Variants in WFS1 observed in about 807,000 individuals in gnomAD.
The protein encoded by WFS1 is wolframin.
A neutral mutation model predicts 68.5 loss-of-function variants in WFS1; 90 were observed. The observed-to-expected ratio is 1.31, with a 90% CI of 1.11 to 1.56. The LOEUF (loss-of-function observed/expected upper bound fraction) is 1.56. Among genes scored for constraint, WFS1 ranks in the 40% most tolerant of loss-of-function variants. WFS1 has a pLI of 0.00. For synonymous variants in WFS1, 860 were observed against 540.7 expected (o/e 1.59, Z -8.19); for missense variants, 1,767 against 1,232.6 (o/e 1.43, Z -6.49).
chr4:6,280,316 G>A (rs1249268731), intron 2 of WFS1, among the ~76,000 whole-genome samples: 1 of 152,242 alleles, frequency 6.6e-6, no homozygotes, highest in African/African-American at 2.4e-5. Flanking sequence ...CAGGGCTGAT[G>A]GGCAGGGGCC....
At position 6,291,295 on chromosome 4, in the gene WFS1, C is replaced by G. The variant is rs1730456165; in HGVS notation, c.559C>G (p.Leu187Val). 6.2e-7 allele frequency: 1 copy of G among 1,613,472 alleles called. No homozygotes were observed. The highest frequency in any genetic ancestry group is 8.5e-7 in the Non-Finnish European group (1 of 1,180,018). Residue 187 changes from leucine (L) to valine (V), a missense_variant, in exon 5 of 8, where the codon CTC (leucine) becomes GTC (valine). By Grantham distance (32) the Leu-to-Val change is conservative. Coordinates refer to ENST00000226760, the MANE Select transcript of WFS1 (RefSeq NM_006005.3). The stretch of plus-strand genomic sequence containing the variant: ...GGCAGCCCTGGTCATGTACTGGAAG[C>G]TCAACCCCAAGAAGAAGAAGCAGGT... ...RKAALVMYWK[L>V]NPKKKKQVAV...
At position 6,287,484 on chromosome 4, in the gene WFS1, C is replaced by T. The variant is rs1730347745; in HGVS notation, c.315+309C>T. On this transcript the variant is annotated intron_variant, in intron 3 of 7. Coordinates refer to ENST00000226760, the MANE Select transcript of WFS1 (RefSeq NM_006005.3). This position sits in a 1 kb window ranked among gnomAD's most constrained non-coding sequence, Gnocchi z 6.4. ...TGCAGCTGCCTGCTCAGTGCCACCC[C>T]TCAACATACACTGTGTATGCTGCCC... is the stretch of plus-strand genomic sequence containing the variant. 6.6e-6 allele frequency among the ~76,000 whole-genome samples: 1 copy of T among 152,222 alleles called. No individual in the cohort carries two copies. The highest frequency in any genetic ancestry group is 2.4e-5 in the African/African-American group (1 of 41,462).
chr4:6,276,545 G>A (rs1729999718), intron 1 of WFS1, among the ~76,000 whole-genome samples: 1 of 152,124 alleles, frequency 6.6e-6, no homozygotes, highest in Non-Finnish European at 1.5e-5. Context: ...GCCTGGGGTG[G>A]GGGCTGTGGA....
chr4:6,291,262 G>T lies in WFS1; in HGVS notation c.526G>T (p.Val176Leu). The change falls in exon 5 of 8, where the codon GTG (valine) becomes TTG (leucine). Residue 176 changes from valine to leucine, a missense_variant. Coordinates refer to ENST00000226760, the MANE Select transcript of WFS1 (RefSeq NM_006005.3). ...LSSETDLERA[V>L]RKAALVMYWK... ...CTCCGAGACCGACCTGGAGAGGGCCGTGCGCAAGGCAGCCCTGGTCATGTA... is the reference window on the plus strand; with the variant it reads ...CTCCGAGACCGACCTGGAGAGGGCCTTGCGCAAGGCAGCCCTGGTCATGTA... 1 of 1,613,312 alleles carries T rather than the reference G, an allele frequency of 6.2e-7. No individual in the cohort carries two copies. The highest frequency in any genetic ancestry group is 8.5e-7 in the Non-Finnish European group (1 of 1,180,004).
Position 6,302,843 on chromosome 4 carries a change from G to C in WFS1, c.*375G>C, listed in dbSNP as rs1026905279. The C allele has an allele frequency of 1.2e-5, 4 of 329,414 alleles. No individual in the cohort carries two copies. The Admixed American group carries it at 1.4e-4, about 11-fold the overall frequency. The allele number at this position is 329,414 out of a possible 1,614,324, so 20.4% of individuals were successfully genotyped here. A position where few individuals can be genotyped will look rare whatever the true frequency, so the allele number is the denominator to read the frequency against. On this transcript the variant is annotated 3_prime_UTR_variant, in exon 8 of 8. Transcript: ENST00000226760. The stretch of plus-strand genomic sequence containing the variant: ...GTTCCCTCTTTCTTTCTTTTGTGTT[G>C]GATTTGTTTAAAAACCAAATAAGCA...
Position 6,301,148 on chromosome 4 carries a change from A to G in WFS1, c.1353A>G (p.Ala451=), listed in dbSNP as rs563453302. Residue 451 remains alanine, a synonymous_variant, in exon 8 of 8, where the codon GCA becomes GCG. Coordinates refer to ENST00000226760, the MANE Select transcript of WFS1 (RefSeq NM_006005.3). ...GCTACCTGAGCCTGAGCACCCATGC[A>G]GAGCCCTACACGCGCAGGGCCCTGG... ...VTSYLSLSTH[A]EPYTRRALAT... The G allele has an allele frequency of 2.0e-5, 33 of 1,613,102 alleles. No homozygotes were observed. The East Asian group carries it at 7.1e-4, about 35-fold the overall frequency.
At chr4:6,279,283 G>T (rs542293971) in intron 2 of WFS1, among the ~76,000 whole-genome samples, 1 of 152,332 alleles carries the variant, frequency 6.6e-6, no homozygotes, top group South Asian at 2.1e-4. Context: ...AACAACAAGG[G>T]TAGCTATTTA....
intron 1 of WFS1, among the ~76,000 whole-genome samples, chr4:6,273,674 T>G (rs1295719727): frequency 6.6e-6 from 1 of 152,244 alleles, no homozygotes; most frequent in East Asian, 1.9e-4. Flanking sequence ...GGCTGTAACA[T>G]GCAGGAAGAC....
At chr4:6,280,084 C>G (rs1043073115) in intron 2 of WFS1, among the ~76,000 whole-genome samples, 1 of 152,238 alleles carries the variant, frequency 6.6e-6, no homozygotes, top group African/African-American at 2.4e-5. Flanking sequence ...GTAAAGGAAA[C>G]AGTGACTCCG....
In WFS1 at chr4:6,303,222, A is replaced by C. The variant is rs1292728146; in HGVS notation, c.*754A>C. 6.6e-6 allele frequency: 1 copy of C among 152,356 alleles called. No individual in the cohort carries two copies. The highest frequency in any genetic ancestry group is 2.4e-5 in the African/African-American group (1 of 41,472). 9.4% of individuals were successfully genotyped at this position (152,356 alleles called of 1,614,324 possible). Reference sequence around the variant, plus strand: ...GTTCAGTGCCTTGGAGCAGAAAGCCAGGGTCCTGAGTGGCTGAAATAAAAG... The same window carrying C: ...GTTCAGTGCCTTGGAGCAGAAAGCCCGGGTCCTGAGTGGCTGAAATAAAAG... On this transcript the variant is annotated 3_prime_UTR_variant, in exon 8 of 8. Transcript: ENST00000226760.
Position 6,300,501 on chromosome 4 carries a change from G to A in WFS1, c.862-156G>A, listed in dbSNP as rs184496110. ...AGCATGGGGAGGGCCACCTGGAGAA[G>A]GGGGGAGGGAGGACCACTAGGATGG... On this transcript the variant is annotated intron_variant, in intron 7 of 7. Transcript: ENST00000226760. 3.8e-3 allele frequency among the ~76,000 whole-genome samples: 579 copies of A among 152,188 alleles called. 6 individuals carry two copies. Among genetic ancestry groups the A allele is most frequent in the African/African-American group, 0.013 (557 of 41,504 alleles).
intron 1 of WFS1, among the ~76,000 whole-genome samples, chr4:6,270,262 C>T (rs938526582): frequency 6.6e-6 from 1 of 151,474 alleles, no homozygotes; most frequent in African/African-American, 2.4e-5. Flanking sequence ...CCCGGTCCCC[C>T]GCGCGCTGTC....
At chr4:6,276,878 G>T (rs1044590515) in intron 1 of WFS1, among the ~76,000 whole-genome samples, 22 of 152,176 alleles carry the variant, frequency 1.4e-4, no homozygotes, top group Non-Finnish European at 2.9e-4. Flanking sequence ...TGGTCCTCCT[G>T]CTCCTTGGCC....
Position 6,302,106 on chromosome 4 carries a change from G to T in WFS1, c.2311G>T (p.Asp771Tyr), listed in dbSNP as rs534067035. Residue 771 changes from aspartate to tyrosine, a missense_variant, in exon 8 of 8, where the codon GAC (aspartate) becomes TAC (tyrosine). Transcript: ENST00000226760. ...GCACCCCTGCCACATCAAGAAGTTC[G>T]ACCGCTACAAGTTTGAGATTACCGT... The part of the protein sequence containing the change: ...AKHPCHIKKF[D>Y]RYKFEITVGM... 1 of 1,612,784 alleles carries T rather than the reference G, an allele frequency of 6.2e-7. No individual in the cohort carries two copies. Among genetic ancestry groups the T allele is most frequent in the Non-Finnish European group, 8.5e-7 (1 of 1,180,030 alleles).
At chr4:6,298,698 C>T (rs936247048) in intron 7 of WFS1, among the ~76,000 whole-genome samples, 1 of 147,730 alleles carries the variant, frequency 6.8e-6, no homozygotes, top group Non-Finnish European at 1.5e-5. Context: ...CTGCCCCTCT[C>T]CTCTCATCTG....
intron 4 of WFS1, among the ~76,000 whole-genome samples, chr4:6,289,895 A>G (rs550360391): frequency 5.9e-5 from 9 of 152,180 alleles, no homozygotes; most frequent in Non-Finnish European, 1.3e-4. Flanking sequence ...CATAACCTTG[A>G]AGCCCAGAAG....
In WFS1 at chr4:6,302,415, G is replaced by A. The variant is rs200775335; in HGVS notation, c.2620G>A (p.Ala874Thr). The A allele has an allele frequency of 1.0e-4, 163 of 1,613,216 alleles. No individual in the cohort carries two copies. In the Middle Eastern group the frequency reaches 1.6e-3, roughly 16 times the overall value. The change falls in exon 8 of 8, where the codon GCC becomes ACC. Residue 874 changes from alanine to threonine, a missense_variant. Transcript: ENST00000226760. ...CGACTGGCGCAGCACCGTGCATGGC[G>A]CCGTGAAGTTCGCCTTCGACTTCTT... is the stretch of plus-strand genomic sequence containing the variant. ...EHDWRSTVHG[A>T]VKFAFDFFFF...
rs1302005507 is a variant in WFS1, at chr4:6,269,912, A to G, written c.-108A>G. The G allele has an allele frequency of 6.6e-6, 1 of 152,002 alleles. No homozygotes were observed. Among genetic ancestry groups the G allele is most frequent in the African/African-American group, 2.4e-5 (1 of 41,424 alleles). The allele number at this position is 152,002 out of a possible 1,614,324, so 9.4% of individuals were successfully genotyped here. ...GTGCAGATTGCTCCCCCGCGGCCGC[A>G]GATCTCCCGTTTGCGCCGCGTTCAG... On this transcript the variant is annotated 5_prime_UTR_variant, in exon 1 of 8. Coordinates refer to ENST00000226760, the MANE Select transcript of WFS1 (RefSeq NM_006005.3).
chr4:6,292,445 C>T (rs1046008914), intron 6 of WFS1, among the ~76,000 whole-genome samples: 1 of 152,090 alleles, frequency 6.6e-6, no homozygotes, highest in Admixed American at 6.5e-5. Context: ...TCTGCCCCAG[C>T]GTAGGCCCTT....
Sources: allele counts gnomAD v4.1 joint callset (sites outside exome capture counted in the v4.1 genomes callset), GRCh38; gene constraint gnomAD v4.1.1; non-coding constraint Gnocchi (gnomAD v3.1); transcripts MANE v1.5; gene names NCBI Gene and HGNC (gene_info 2026-07-23, HGNC 2026-07-21).